The following XKRX variants were observed in gnomAD, a reference collection of about 807,000 sequenced individuals.
The protein encoded by XKRX is XK-related protein 2.
Under a neutral mutation model 22.4 loss-of-function variants are expected in XKRX, and 11 were observed. That is an observed-to-expected ratio of 0.49 (90% CI 0.31 to 0.81). The LOEUF (loss-of-function observed/expected upper bound fraction) is 0.81, where lower values mean the gene tolerates loss of function less well. Among genes scored for constraint, XKRX ranks in the 40% least tolerant of loss-of-function variants. XKRX has a pLI of 0.05. For missense variants in XKRX, 320 were observed against 336.5 expected (o/e 0.95, Z 0.38); for synonymous variants, 114 against 132.2 (o/e 0.86, Z 0.94).
chrX:100,889,868 G>A, the XKRX span, among the ~76,000 whole-genome samples: 4 of 111,422 alleles, frequency 3.6e-5, no homozygotes, highest in African/African-American at 1.3e-4. Flanking sequence ...GCTGGGCGTG[G>A]TGATGCATGC....
chrX:100,917,565 G>A (rs773670063), intron 2 of XKRX, among the ~76,000 whole-genome samples: 26 of 100,760 alleles, frequency 2.6e-4, no homozygotes, highest in African/African-American at 9.5e-4. Context: ...GAAAGAGAGA[G>A]AGAGAAAGAA....
chrX:100,909,194 C>T (rs999779914), downstream of XKRX, among the ~76,000 whole-genome samples: 1 of 111,886 alleles, frequency 8.9e-6, no homozygotes, highest in Non-Finnish European at 1.9e-5. Flanking sequence ...AAATGGGCCC[C>T]TCTACCATCC....
the XKRX span, among the ~76,000 whole-genome samples, chrX:100,942,435 T>C: frequency 2.7e-5 from 3 of 109,774 alleles, no homozygotes; most frequent in African/African-American, 6.7e-5. Flanking sequence ...ACATACCCTC[T>C]GGTAGATTTT....
chrX:100,888,408 A>G, the XKRX span: 1 of 919,390 alleles, frequency 1.1e-6, no homozygotes, highest in Non-Finnish European at 1.6e-6. Context: ...ACAGTGGCGT[A>G]TGTAACAAAC....
downstream of XKRX, chrX:100,910,791 G>A: frequency 1.3e-6 from 1 of 779,622 alleles, no homozygotes; most frequent in Non-Finnish European, 2.0e-6. Flanking sequence ...AGAGAAAGAA[G>A]GAAAGTCGAG....
the XKRX span, chrX:100,887,578 C>T: frequency 1.2e-4 from 65 of 545,638 alleles, no homozygotes; most frequent in Non-Finnish European, 2.1e-4. Flanking sequence ...CTGTTGTAAA[C>T]TGCAGCTTCC....
intron 2 of XKRX, among the ~76,000 whole-genome samples, chrX:100,921,762 A>G (rs1238094738): frequency 4.6e-5 from 5 of 109,144 alleles, no homozygotes; most frequent in African/African-American, 1.3e-4. Flanking sequence ...AACTTCCTCC[A>G]AAGATCACAG....
At chrX:100,945,081 T>G in the XKRX span, among the ~76,000 whole-genome samples, 1 of 110,150 alleles carries the variant, frequency 9.1e-6, no homozygotes, top group Admixed American at 9.7e-5. Context: ...TTCTTTTGTT[T>G]TTCTTTTTTT....
Position 100,923,069 on chromosome X carries a change from A to T in XKRX, c.336-8T>A, listed in dbSNP as rs1465502637. The T allele has an allele frequency of 8.3e-7, 1 of 1,210,539 alleles. No homozygotes were observed. The highest frequency in any genetic ancestry group is 1.8e-5 in the South Asian group (1 of 56,880). ...ATCATGGCCTCCAAACATCTGCAGA[A>T]GTAAAGCATCATGCAAACTTAACTA... On this transcript the variant is annotated splice_polypyrimidine_tract_variant and splice_region_variant and intron_variant, in intron 1 of 2. Transcript: ENST00000372956.
chrX:100,922,107 A>G (rs1220916511), intron 2 of XKRX, among the ~76,000 whole-genome samples: 1 of 110,856 alleles, frequency 9.0e-6, no homozygotes, highest in African/African-American at 3.3e-5. Context: ...TGCTGGGATT[A>G]CAGGCTTGAA....
downstream of XKRX, among the ~76,000 whole-genome samples, chrX:100,911,701 A>G (rs932774272): frequency 8.9e-6 from 1 of 112,161 alleles, no homozygotes; most frequent in African/African-American, 3.2e-5. Context: ...GGAAGGGAGC[A>G]AGTTCCCTGC....
the XKRX span, among the ~76,000 whole-genome samples, chrX:100,955,532 G>C: frequency 1.9e-5 from 2 of 105,397 alleles, no homozygotes; most frequent in Admixed American, 1.1e-4. Flanking sequence ...AATTAGCCAG[G>C]CATGGTGGCG....
the XKRX span, among the ~76,000 whole-genome samples, chrX:100,945,620 GT>G: frequency 9.1e-6 from 1 of 110,457 alleles, no homozygotes; most frequent in Non-Finnish European, 1.9e-5. Flanking sequence ...CAGTTCCACT[GT>G]TTTTTAGCTA....
At chrX:100,939,041 T>C in the XKRX span, among the ~76,000 whole-genome samples, 1 of 111,669 alleles carries the variant, frequency 9.0e-6, no homozygotes, top group South Asian at 3.8e-4. Context: ...TGAAACAGTC[T>C]CCAGTATATA....
At position 100,928,036 on chromosome X, in the gene XKRX, C is replaced by T. The variant is rs1432522922; in HGVS notation, c.269G>A (p.Arg90Lys). 1.7e-6 allele frequency: 2 copies of T among 1,208,480 alleles called. No homozygotes were observed. Among genetic ancestry groups the T allele is most frequent in the South Asian group, 1.8e-5 (1 of 56,446 alleles). The change falls in exon 1 of 3, where the codon AGA (arginine) becomes AAA (lysine). Residue 90 changes from arginine (R) to lysine (K), a missense_variant. Physicochemically the swap from Arg to Lys is conservative, Grantham distance 26. Transcript: ENST00000372956. ...TAGCGGTTTATCTTTGGCTAGATCT[C>T]TGTGGACAAAAATGAGGGTCAACTG... The part of the protein sequence containing the change: ...MVQLTLIFVH[R>K]DLAKDKPLSL...
chrX:100,897,648 TTC>T, the XKRX span, among the ~76,000 whole-genome samples: 1 of 88,057 alleles, frequency 1.1e-5, no homozygotes, highest in Non-Finnish European at 2.2e-5. Context: ...TGTTTCCTAG[TTC>T]TTTCTACCGA....
At chrX:100,945,289 C>T in the XKRX span, among the ~76,000 whole-genome samples, 17,767 of 98,233 alleles carry the variant, frequency 0.18, 1,621 homozygotes, top group Non-Finnish European at 0.19. Flanking sequence ...CACACACACA[C>T]AGTTTATTTT....
upstream of XKRX, chrX:100,929,138 ACCTGG>A (rs1198074139): frequency 1.8e-5 from 2 of 112,108 alleles, no homozygotes; most frequent in Non-Finnish European, 3.8e-5. Context: ...CGGGGCGCCA[ACCTGG>A]CTGGACGGAG....
At chrX:100,957,275 G>C in the XKRX span, 40 of 986,506 alleles carry the variant, frequency 4.1e-5, no homozygotes, top group Non-Finnish European at 5.4e-5. Flanking sequence ...TGAAAGGTTG[G>C]GGTGGAGAAG....
Sources: allele counts gnomAD v4.1 joint callset (sites outside exome capture counted in the v4.1 genomes callset), GRCh38; gene constraint gnomAD v4.1.1; transcripts MANE v1.5; gene names NCBI Gene and HGNC (gene_info 2026-07-23, HGNC 2026-07-21).